NEDD4: variants seen among roughly 807,000 people sequenced by gnomAD.
NEDD4 encodes the protein NEDD4 E3 ubiquitin protein ligase, also known as E3 ubiquitin-protein ligase NEDD4.
NEDD4 carries 99 observed loss-of-function variants against 144.9 expected under a neutral mutation model. That is an observed-to-expected ratio of 0.68 (90% confidence interval 0.58 to 0.81). The LOEUF is 0.81. Ranked by LOEUF, NEDD4 falls within the 30% of genes least tolerant of loss-of-function variation. The probability of loss-of-function intolerance (pLI) is 0.00; values close to 1 mark genes in which losing one functional copy is unlikely to be tolerated. For missense variants in NEDD4, 985 were observed against 1,065.9 expected, an observed-to-expected ratio of 0.92 and a Z score of 1.06; for synonymous variants, 318 against 350.6, an observed-to-expected ratio of 0.91 and a Z score of 1.04.
intron 5 of NEDD4, chr15:55,915,782 TA>T: frequency 1.9e-6 from 3 of 1,613,760 alleles, no homozygotes; most frequent in Non-Finnish European, 2.5e-6. Flanking sequence ...TTTTCTTCTG[TA>T]ACGAGCCCTT....
At chr15:55,962,712 G>A (rs564140159) in intron 2 of NEDD4, among the ~76,000 whole-genome samples, 75 of 151,358 alleles carry the variant, frequency 5.0e-4, no homozygotes, top group South Asian at 4.2e-4. Context: ...CCAAAGTGTC[G>A]GGATTACAAG....
intron 5 of NEDD4, among the ~76,000 whole-genome samples, chr15:55,895,365 T>G (rs535975789): frequency 6.6e-6 from 1 of 152,236 alleles, no homozygotes; most frequent in Non-Finnish European, 1.5e-5. Context: ...GTTGCAAATA[T>G]AGAGTGCCTT....
intron 1 of NEDD4, among the ~76,000 whole-genome samples, chr15:55,981,714 A>G (rs558484868): frequency 6.6e-6 from 1 of 152,304 alleles, no homozygotes; most frequent in Non-Finnish European, 1.5e-5. Context: ...TATGAACATC[A>G]CATGGAAATT....
chr15:55,852,917 T>A (rs993971669), intron 12 of NEDD4, among the ~76,000 whole-genome samples: 2 of 151,970 alleles, frequency 1.3e-5, no homozygotes, highest in South Asian at 4.2e-4. Context: ...ACCCAGCTAA[T>A]TTTTTTATTT....
chr15:55,843,199 G>T (rs1177011161), intron 18 of NEDD4, among the ~76,000 whole-genome samples: 1 of 152,162 alleles, frequency 6.6e-6, no homozygotes, highest in Admixed American at 6.5e-5. Flanking sequence ...TCTTCCTTTT[G>T]TAAATTGCCT....
chr15:55,861,276 T>C (rs2034395101), intron 9 of NEDD4, among the ~76,000 whole-genome samples: 1 of 152,180 alleles, frequency 6.6e-6, no homozygotes, highest in Admixed American at 6.5e-5. Flanking sequence ...AAGAACTTTA[T>C]AATGAAAAGC....
chr15:55,959,503 G>C (rs563921974), intron 2 of NEDD4, among the ~76,000 whole-genome samples: 34 of 152,332 alleles, frequency 2.2e-4, no homozygotes, highest in African/African-American at 8.2e-4. Flanking sequence ...GTGGCATCCA[G>C]ACACTAGGGC....
intron 5 of NEDD4, among the ~76,000 whole-genome samples, chr15:55,907,372 T>C (rs1232269526): frequency 6.6e-6 from 1 of 152,158 alleles, no homozygotes. Flanking sequence ...AATTAAATCA[T>C]ATGGGCAATC....
chr15:55,847,373 T>C (rs1435876907), intron 17 of NEDD4, among the ~76,000 whole-genome samples: 1 of 152,154 alleles, frequency 6.6e-6, no homozygotes, highest in Admixed American at 6.5e-5. Flanking sequence ...GATTTCTCCA[T>C]TAAAGGGACA....
At chr15:55,867,666 G>C (rs2034630467) in intron 8 of NEDD4, among the ~76,000 whole-genome samples, 1 of 152,092 alleles carries the variant, frequency 6.6e-6, no homozygotes, top group Non-Finnish European at 1.5e-5. Flanking sequence ...ACGAAAATCA[G>C]AGAAAAATAC....
At chr15:55,896,948 C>A (rs1227772281) in intron 5 of NEDD4, among the ~76,000 whole-genome samples, 1 of 151,732 alleles carries the variant, frequency 6.6e-6, no homozygotes, top group East Asian at 1.9e-4. Flanking sequence ...TATGAATATA[C>A]AATTTATAAA....
At chr15:55,978,306 A>G (rs2037738740) in intron 1 of NEDD4, among the ~76,000 whole-genome samples, 1 of 152,232 alleles carries the variant, frequency 6.6e-6, no homozygotes. Flanking sequence ...TTAAATGCTA[A>G]GATTAATTGA....
intron 5 of NEDD4, among the ~76,000 whole-genome samples, chr15:55,904,025 G>C (rs2036004243): frequency 6.6e-6 from 1 of 151,828 alleles, no homozygotes; most frequent in Non-Finnish European, 1.5e-5. Context: ...AGTCAGATGT[G>C]GTGGCGGGCA....
chr15:55,881,129 GTTTCT>G (rs1265217831), intron 5 of NEDD4, among the ~76,000 whole-genome samples: 44 of 147,400 alleles, frequency 3.0e-4, no homozygotes, highest in East Asian at 3.9e-4. Flanking sequence ...ATTGCAGTAA[GTTTCT>G]TTTCTTTTCT....
At chr15:55,861,473 A>G (rs1239013187) in intron 9 of NEDD4, among the ~76,000 whole-genome samples, 2 of 152,196 alleles carry the variant, frequency 1.3e-5, no homozygotes, top group Non-Finnish European at 2.9e-5. Context: ...CTAGTATTTA[A>G]TAGCTTAACA....
chr15:55,928,487 T>C (rs964458905), intron 4 of NEDD4, among the ~76,000 whole-genome samples: 10 of 152,240 alleles, frequency 6.6e-5, no homozygotes, highest in African/African-American at 2.4e-4. Context: ...TCTGGCCTTG[T>C]GTCCTACAAA....
chr15:55,936,591 T>C (rs1212504976), intron 4 of NEDD4, among the ~76,000 whole-genome samples: 1 of 152,152 alleles, frequency 6.6e-6, no homozygotes, highest in Non-Finnish European at 1.5e-5. Context: ...ATACATTACA[T>C]AAATCTAATA....
intron 5 of NEDD4, among the ~76,000 whole-genome samples, chr15:55,920,551 G>GA (rs2036550549): frequency 6.6e-6 from 1 of 151,996 alleles, no homozygotes; most frequent in Admixed American, 6.5e-5. Flanking sequence ...AAATTGGCTG[G>GA]AAAAAAGTGA....
At chr15:55,988,034 T>C (rs561435323) in intron 1 of NEDD4, 3 of 151,788 alleles carry the variant, frequency 2.0e-5, no homozygotes, top group Admixed American at 6.6e-5. Flanking sequence ...CGTATGTTTA[T>C]TGCGGCACTA....
Sources: allele counts gnomAD v4.1 joint callset (sites outside exome capture counted in the v4.1 genomes callset), GRCh38; gene constraint gnomAD v4.1.1; transcripts MANE v1.5; gene names NCBI Gene and HGNC (gene_info 2026-07-23, HGNC 2026-07-21).